Variants in ETNPPL observed in about 807,000 individuals in gnomAD.
The protein encoded by ETNPPL is alanine--glyoxylate aminotransferase 2-like 1.
A neutral mutation model predicts 55.5 loss-of-function variants in ETNPPL; 30 were observed. That is an observed-to-expected ratio of 0.54 (90% CI 0.40 to 0.73). The LOEUF (loss-of-function observed/expected upper bound fraction) is 0.73. Among genes scored for constraint, ETNPPL ranks in the 30% least tolerant of loss-of-function variants. The probability of loss-of-function intolerance (pLI) is 0.00; values close to 1 mark genes in which losing one functional copy is unlikely to be tolerated. For missense variants in ETNPPL, 528 were observed against 607.9 expected (o/e 0.87, Z 1.38); for synonymous variants, 202 against 207.2 (o/e 0.98, Z 0.21).
At chr4:108,747,872 G>T in intron 9 of ETNPPL, 133 bp downstream of exon 9, 2 of 669,980 alleles carry the variant, frequency 3.0e-6, no homozygotes, top group East Asian at 6.0e-5. Context: ...GGGACTATTT[G>T]TGTGTGCCAC....
At chr4:108,760,021 G>T (rs1729433110) in intron 2 of ETNPPL, 113 bp from the exon 3 acceptor site, 1 of 1,236,476 alleles carries the variant, frequency 8.1e-7, no homozygotes, top group Non-Finnish European at 1.2e-6. Flanking sequence ...CAAAAGTTGA[G>T]TTCCTTTCTC....
rs1270685945 is a variant in ETNPPL at position 108,742,228 on chromosome 4, G to T, written c.*256C>A. The T allele has an allele frequency of 6.9e-6, 2 of 290,022 alleles. No individual in the cohort carries two copies. Among genetic ancestry groups the T allele is most frequent in the Non-Finnish European group, 1.3e-5 (2 of 152,788 alleles). 18.0% of individuals were successfully genotyped at this position (290,022 alleles called of 1,614,324 possible). A position where few individuals can be genotyped will look rare whatever the true frequency, so the allele number is the denominator to read the frequency against. On this transcript the variant is annotated 3_prime_UTR_variant, in exon 13 of 13. Coordinates refer to ENST00000296486, the MANE Select transcript of ETNPPL (RefSeq NM_031279.4). ...CTGCCAATTTATTTTGAGTTTGCAA[G>T]CTTACAATTTAATAGAATAAATCAG... is the stretch of plus-strand genomic sequence containing the variant.
chr4:108,759,661 T>C (rs1729409277), intron 3 of ETNPPL, 88 bp downstream of exon 3: 7 of 1,370,768 alleles, frequency 5.1e-6, no homozygotes, highest in Non-Finnish European at 7.1e-6. Context: ...TTGGACAAGC[T>C]CCACCATGAA....
At chr4:108,761,744 G>A (rs555562722) in intron 1 of ETNPPL, among the ~76,000 whole-genome samples, 2 of 152,322 alleles carry the variant, frequency 1.3e-5, no homozygotes, top group Non-Finnish European at 2.9e-5. Flanking sequence ...GATTAATGGG[G>A]AAAGAACTGG....
At chr4:108,743,904 T>C (rs1400557814) in intron 11 of ETNPPL, 48 bp from the exon 12 acceptor site, 2 of 1,361,458 alleles carry the variant, frequency 1.5e-6, no homozygotes, top group African/African-American at 3.0e-5. Flanking sequence ...CATAAAAACC[T>C]TAAGAAAAAA....
intron 3 of ETNPPL, among the ~76,000 whole-genome samples, chr4:108,759,342 A>G (rs1243691507): frequency 2.1e-5 from 3 of 141,212 alleles, no homozygotes; most frequent in Non-Finnish European, 4.5e-5. Flanking sequence ...CGGAGCTTGC[A>G]GTGACCTGAG....
In ETNPPL at chr4:108,742,118, T is replaced by C. The variant is rs1173622695; in HGVS notation, c.*366A>G. ...ATATATGAAATCATTATAGAATACA[T>C]ATTTTAAGGCACTAAGTCTCAAAAG... On this transcript the variant is annotated 3_prime_UTR_variant, in exon 13 of 13. Transcript: ENST00000296486. The C allele has an allele frequency of 6.2e-6, 1 of 162,204 alleles. No individual in the cohort carries two copies. Among genetic ancestry groups the C allele is most frequent in the Non-Finnish European group, 1.4e-5 (1 of 73,580 alleles). The allele number at this position is 162,204 out of a possible 1,614,324, so 10.0% of individuals were successfully genotyped here.
intron 6 of ETNPPL, among the ~76,000 whole-genome samples, chr4:108,751,288 T>C (rs1187362444): frequency 6.6e-6 from 1 of 152,218 alleles, no homozygotes; most frequent in Non-Finnish European, 1.5e-5. Context: ...TTCTCCATCA[T>C]TACATGCAGC....
chr4:108,746,887 G>C (rs1352469542), intron 9 of ETNPPL, 36 bp from the exon 10 acceptor site: 1 of 1,432,696 alleles, frequency 7.0e-7, no homozygotes, highest in East Asian at 2.3e-5. Flanking sequence ...CCCACAATCT[G>C]TCCAACTCTT....
intron 1 of ETNPPL, among the ~76,000 whole-genome samples, chr4:108,761,938 C>T (rs1219614161): frequency 1.3e-5 from 2 of 152,204 alleles, no homozygotes; most frequent in African/African-American, 4.8e-5. Context: ...GGCCCGGCTG[C>T]AGTCGTTCAT....
At chr4:108,762,597 G>A in intron 1 of ETNPPL, 1 of 626,344 alleles carries the variant, frequency 1.6e-6, no homozygotes, top group Non-Finnish European at 2.9e-6. Context: ...CCGCTAGTCC[G>A]CCGGCTGCAG....
rs1560650061 is a variant in ETNPPL at position 108,747,144 on chromosome 4, AT to A, written c.1083-294del. On this transcript the variant is annotated intron_variant, in intron 9 of 12. Coordinates refer to ENST00000296486, the MANE Select transcript of ETNPPL (RefSeq NM_031279.4). ...TAACATTATATATATATATATATAT[AT>A]ATAATATATATATATATATTATATA... Among the ~76,000 whole-genome samples, 130 of 23,650 alleles carry A rather than the reference AT, an allele frequency of 5.5e-3. 10 individuals carry two copies. The highest frequency in any genetic ancestry group is 0.028 in the African/African-American group (117 of 4,216). The allele number at this position is 23,650 out of a possible 152,430, so 15.5% of individuals were successfully genotyped here. A position where few individuals can be genotyped will look rare whatever the true frequency, so the allele number is the denominator to read the frequency against.
chr4:108,751,439 A>C (rs1469460080), intron 6 of ETNPPL, among the ~76,000 whole-genome samples: 1 of 152,088 alleles, frequency 6.6e-6, no homozygotes, highest in Non-Finnish European at 1.5e-5. Flanking sequence ...TTGAGGCTGG[A>C]ATTTGCACCA....
At chr4:108,756,589 C>T (rs528154893) in intron 3 of ETNPPL, 97 bp from the exon 4 acceptor site, 9 of 918,394 alleles carry the variant, frequency 9.8e-6, no homozygotes, top group South Asian at 5.7e-5. Flanking sequence ...GTAATCCTAG[C>T]GCTTTGAGAG....
intron 8 of ETNPPL, among the ~76,000 whole-genome samples, chr4:108,748,413 C>T (rs1348927233): frequency 6.6e-6 from 1 of 152,144 alleles, no homozygotes; most frequent in East Asian, 1.9e-4. Flanking sequence ...TTTATTTGCT[C>T]ATCCAAACAA....
chr4:108,743,981 G>A lies in ETNPPL; in HGVS notation c.1304-125C>T, dbSNP rs62315042. The stretch of plus-strand genomic sequence containing the variant: ...GGAAATGTTATGTGTTAAAAGAATG[G>A]GCTGGGCGCTGTGGCTCATGCCTGT... On this transcript the variant is annotated intron_variant, in intron 11 of 12. Transcript: ENST00000296486. 2.3e-3 allele frequency: 1,566 copies of A among 667,630 alleles called. 2 individuals are homozygous for A. The highest frequency in any genetic ancestry group is 3.9e-3 in the Admixed American group (144 of 36,678). 41.4% of individuals were successfully genotyped at this position (667,630 alleles called of 1,614,324 possible).
chr4:108,758,983 A>G (rs1729370069), intron 3 of ETNPPL, among the ~76,000 whole-genome samples: 1 of 151,986 alleles, frequency 6.6e-6, no homozygotes, highest in South Asian at 2.1e-4. Flanking sequence ...CGGGAGGTGG[A>G]GGTTGCAGTG....
chr4:108,757,878 C>T (rs1277293821), intron 3 of ETNPPL, among the ~76,000 whole-genome samples: 1 of 151,602 alleles, frequency 6.6e-6, no homozygotes, highest in Non-Finnish European at 1.5e-5. Flanking sequence ...GAGCCAGGCA[C>T]AGTAGTGTGA....
intron 3 of ETNPPL, among the ~76,000 whole-genome samples, chr4:108,757,793 G>A (rs1406542922): frequency 1.3e-5 from 2 of 151,680 alleles, no homozygotes; most frequent in East Asian, 3.9e-4. Flanking sequence ...ACAAAAATTA[G>A]CCCAGGCATA....
Sources: gnomAD v4.1 joint callset for allele counts (sites outside exome capture counted in the v4.1 genomes callset) on GRCh38, gnomAD v4.1.1 for gene constraint, MANE v1.5 for transcripts, NCBI Gene and HGNC (gene_info 2026-07-23, HGNC 2026-07-21) for gene names.